Variants in GRIP1 observed in about 807,000 individuals in gnomAD.
GRIP1 encodes the protein glutamate receptor-interacting protein 1.
GRIP1 carries 45 observed loss-of-function variants against 129.9 expected under a neutral mutation model. The observed-to-expected ratio is 0.35, with a 90% CI of 0.27 to 0.44. The LOEUF is 0.44. GRIP1 is among the 20% of genes least tolerant of loss of function. GRIP1 has a pLI of 1.00. For missense variants in GRIP1, 1,196 were observed against 1,396.8 expected (o/e 0.86, Z 2.29); for synonymous variants, 530 against 520.8 (o/e 1.02, Z -0.24).
At chr12:66,686,977 G>A (rs1026189417) in intron 1 of GRIP1, among the ~76,000 whole-genome samples, 2 of 152,000 alleles carry the variant, frequency 1.3e-5, no homozygotes, top group African/African-American at 4.8e-5. Flanking sequence ...TGGGAGGATT[G>A]CTTGAGCCCA....
At chr12:66,958,401 G>A (rs1251408412) in intron 1 of GRIP1, among the ~76,000 whole-genome samples, 2 of 152,144 alleles carry the variant, frequency 1.3e-5, no homozygotes, top group Admixed American at 1.3e-4. Flanking sequence ...CTAAGTGCTG[G>A]CATTAGAAGC....
At chr12:66,732,822 G>A (rs897933942) in intron 1 of GRIP1, among the ~76,000 whole-genome samples, 2 of 152,064 alleles carry the variant, frequency 1.3e-5, no homozygotes, top group African/African-American at 2.4e-5. Context: ...CTATGCAAGA[G>A]GTCAGTGCCC....
intron 1 of GRIP1, among the ~76,000 whole-genome samples, chr12:66,791,188 C>T (rs1028489115): frequency 3.9e-5 from 6 of 152,082 alleles, no homozygotes; most frequent in African/African-American, 1.4e-4. Context: ...GTTTTGGGGA[C>T]AGGAAAGTAC....
chr12:66,959,682 G>A (rs1319995968), intron 1 of GRIP1, among the ~76,000 whole-genome samples: 1 of 152,040 alleles, frequency 6.6e-6, no homozygotes, highest in African/African-American at 2.4e-5. Flanking sequence ...TTAAAAAGCA[G>A]CTTCAAATAT....
At chr12:66,911,026 A>T (rs2041020380) in intron 1 of GRIP1, among the ~76,000 whole-genome samples, 2 of 152,228 alleles carry the variant, frequency 1.3e-5, no homozygotes, top group Admixed American at 1.3e-4. Context: ...CTACGTGCCA[A>T]GCATTGTGCT....
intron 2 of GRIP1, among the ~76,000 whole-genome samples, chr12:66,593,912 C>CA (rs1364590983): frequency 1.3e-5 from 2 of 151,636 alleles, no homozygotes; most frequent in South Asian, 2.1e-4. Context: ...ACTAAAAATA[C>CA]AAAAAATTAG....
rs542415068 is a variant in GRIP1, at chr12:66,353,860, T to G, written c.3013-297A>C. On this transcript the variant is annotated intron_variant, in intron 23 of 24. Transcript: ENST00000359742. ...TAGGAGAGAACTTCCTCAAGGCAAG[T>G]TGACTTCTACTATTTTCCTGGGGCA... Among the ~76,000 whole-genome samples, 4 of 152,296 alleles carry G rather than the reference T, an allele frequency of 2.6e-5. No individual in the cohort carries two copies. In the South Asian group the frequency reaches 8.3e-4, roughly 32 times the overall value.
chr12:66,523,613 TG>T (rs1435161341), intron 5 of GRIP1, among the ~76,000 whole-genome samples: 1 of 147,626 alleles, frequency 6.8e-6, no homozygotes, highest in Non-Finnish European at 1.5e-5. Flanking sequence ...AGGAAGAAAC[TG>T]CATCAACTAA....
chr12:66,375,794 C>CA (rs1255657370), intron 22 of GRIP1, among the ~76,000 whole-genome samples: 7 of 152,172 alleles, frequency 4.6e-5, no homozygotes, highest in Non-Finnish European at 8.8e-5. Flanking sequence ...CTTTTTACAT[C>CA]ATTTTCTTTT....
At chr12:66,745,983 A>G (rs2036932549) in intron 1 of GRIP1, among the ~76,000 whole-genome samples, 1 of 152,138 alleles carries the variant, frequency 6.6e-6, no homozygotes, top group South Asian at 2.1e-4. Flanking sequence ...TGAAAAGGAT[A>G]AGTTGGTGTG....
chr12:66,538,799 T>A (rs1348495020), intron 4 of GRIP1, among the ~76,000 whole-genome samples: 1 of 150,110 alleles, frequency 6.7e-6, no homozygotes. Flanking sequence ...GGTGGGGCTT[T>A]GCCATGTTGC....
chr12:66,842,598 G>A lies in GRIP1; in HGVS notation c.58+226452C>T, dbSNP rs1005887735. On this transcript the variant is annotated intron_variant, in intron 1 of 1. Coordinates refer to the GRIP1 transcript ENST00000643019. Reference sequence around the variant, plus strand: ...TTTGCTATTATGAAAACATTATTTTGTATATCTTTTGGGGATAAGAAACTA... The same window carrying A: ...TTTGCTATTATGAAAACATTATTTTATATATCTTTTGGGGATAAGAAACTA... Among the ~76,000 whole-genome samples the A allele has an allele frequency of 4.5e-4, 69 of 152,050 alleles. 1 individual carries two copies. Among genetic ancestry groups the A allele is most frequent in the Non-Finnish European group, 1.2e-4 (8 of 68,000 alleles).
At chr12:66,637,363 G>A (rs868263333) in intron 1 of GRIP1, among the ~76,000 whole-genome samples, 11 of 151,948 alleles carry the variant, frequency 7.2e-5, no homozygotes, top group African/African-American at 2.7e-4. Flanking sequence ...GCTGGGTGAT[G>A]GGCATGTGAA....
At chr12:66,635,238 C>T (rs973629821) in intron 1 of GRIP1, among the ~76,000 whole-genome samples, 3 of 151,634 alleles carry the variant, frequency 2.0e-5, no homozygotes, top group East Asian at 1.9e-4. Context: ...GGCAACATAG[C>T]GAGACCCCAT....
chr12:66,917,408 A>G (rs1293728282), intron 1 of GRIP1, among the ~76,000 whole-genome samples: 1 of 152,214 alleles, frequency 6.6e-6, no homozygotes, highest in Non-Finnish European at 1.5e-5. Flanking sequence ...TGAACTGCTG[A>G]TTGCCAGAGA....
At chr12:66,604,370 A>C (rs1320692103) in intron 1 of GRIP1, among the ~76,000 whole-genome samples, 1 of 152,216 alleles carries the variant, frequency 6.6e-6, no homozygotes, top group African/African-American at 2.4e-5. Context: ...ATCACAAATG[A>C]TAACTCCTAT....
intron 19 of GRIP1, among the ~76,000 whole-genome samples, chr12:66,387,886 A>G (rs77637734): frequency 6.6e-6 from 1 of 152,302 alleles, no homozygotes; most frequent in East Asian, 1.9e-4. Flanking sequence ...AATGACATTA[A>G]ATAAAGTTGG....
At chr12:66,670,873 T>C (rs73128843) in intron 1 of GRIP1, among the ~76,000 whole-genome samples, 1 of 152,274 alleles carries the variant, frequency 6.6e-6, no homozygotes, top group Non-Finnish European at 1.5e-5. Context: ...CTATAGCAGT[T>C]TCATAGCCCT....
chr12:66,929,085 C>T (rs1193558817), intron 1 of GRIP1, among the ~76,000 whole-genome samples: 1 of 152,192 alleles, frequency 6.6e-6, no homozygotes, highest in East Asian at 1.9e-4. Flanking sequence ...CCAAGAATAG[C>T]AGTCTCTCCA....
Sources: allele counts gnomAD v4.1 joint callset (sites outside exome capture counted in the v4.1 genomes callset), GRCh38; gene constraint gnomAD v4.1.1; transcripts MANE v1.5; gene names NCBI Gene and HGNC (gene_info 2026-07-23, HGNC 2026-07-21).